The following CDK6 variants were observed in gnomAD, a reference collection of about 807,000 sequenced individuals.
CDK6 encodes cyclin dependent kinase 6.
A neutral mutation model predicts 37.1 loss-of-function variants in CDK6; 6 were observed. That is an observed-to-expected ratio of 0.16 (90% CI 0.09 to 0.32). The LOEUF (loss-of-function observed/expected upper bound fraction) is 0.32. Ranked by LOEUF, CDK6 falls within the 10% of genes least tolerant of loss-of-function variation. CDK6 has a pLI of 1.00. For missense variants in CDK6, 224 were observed against 418.9 expected, an observed-to-expected ratio of 0.53 and a Z score of 4.06; for synonymous variants, 160 against 161.3, an observed-to-expected ratio of 0.99 and a Z score of 0.06.
Position 92,615,240 on chromosome 7 carries a change from G to A in CDK6, c.881C>T (p.Ala294Val), listed in dbSNP as rs757809574. ...GTCCTGGAAGTATGGGTGAGACAGG[G>A]CACTGTAGGCAGATATTCTTTTGGC... ...NPAKRISAYS[A>V]LSHPYFQDLE... The change falls in exon 8 of 8, where the codon GCC becomes GTC. Residue 294 changes from alanine (A) to valine (V), a missense_variant. By Grantham distance (64) the Ala-to-Val change is moderately conservative. This residue lies in a region of CDK6 where 90 missense variants were observed against 136.2 expected (regional missense o/e 0.66). Coordinates refer to ENST00000424848, the MANE Select transcript of CDK6 (RefSeq NM_001145306.2). 1 of 1,614,014 alleles carries A rather than the reference G, an allele frequency of 6.2e-7. No homozygotes were observed. Among genetic ancestry groups the A allele is most frequent in the Non-Finnish European group, 8.5e-7 (1 of 1,179,932 alleles).
chr7:92,642,038 C>G (rs879933459), intron 5 of CDK6, among the ~76,000 whole-genome samples: 1 of 152,050 alleles, frequency 6.6e-6, no homozygotes, highest in Non-Finnish European at 1.5e-5. Flanking sequence ...GTTTGGAGTT[C>G]CCCTGTGAGC....
chr7:92,646,755 C>A (rs1187212302), intron 5 of CDK6, among the ~76,000 whole-genome samples: 1 of 152,002 alleles, frequency 6.6e-6, no homozygotes, highest in Non-Finnish European at 1.5e-5. Flanking sequence ...AGAAGAATCC[C>A]ATGGGATTCT....
intron 4 of CDK6, among the ~76,000 whole-genome samples, chr7:92,685,926 G>T (rs1466636346): frequency 1.3e-5 from 2 of 152,106 alleles, no homozygotes; most frequent in Non-Finnish European, 1.5e-5. Flanking sequence ...TTTTGTTTCT[G>T]CTTTCTTCTG....
intron 3 of CDK6, among the ~76,000 whole-genome samples, chr7:92,755,161 A>C (rs565724250): frequency 3.9e-5 from 6 of 152,038 alleles, no homozygotes; most frequent in Non-Finnish European, 8.8e-5. Context: ...GAAGGGTTAA[A>C]ATATGGCAGA....
At chr7:92,752,675 T>C in intron 3 of CDK6, among the ~76,000 whole-genome samples, 1 of 152,330 alleles carries the variant, frequency 6.6e-6, no homozygotes, top group African/African-American at 2.4e-5. Context: ...AGAATTTTTA[T>C]GGAATTACAT....
At chr7:92,801,165 A>T (rs1042936056) in intron 2 of CDK6, among the ~76,000 whole-genome samples, 1 of 152,020 alleles carries the variant, frequency 6.6e-6, no homozygotes, top group Non-Finnish European at 1.5e-5. Flanking sequence ...AAAAGAAAAT[A>T]GATAAAAATT....
chr7:92,771,118 C>G (rs1233811431), intron 3 of CDK6, among the ~76,000 whole-genome samples: 1 of 151,600 alleles, frequency 6.6e-6, no homozygotes, highest in Non-Finnish European at 1.5e-5. Flanking sequence ...TGCCTGTAAT[C>G]CCAGCTACTC....
chr7:92,643,174 A>G (rs1159571695), intron 5 of CDK6, among the ~76,000 whole-genome samples: 1 of 152,210 alleles, frequency 6.6e-6, no homozygotes, highest in Non-Finnish European at 1.5e-5. Context: ...GGCTTGAGCC[A>G]CCACGCCCGG....
chr7:92,717,000 C>T (rs1798243194), intron 4 of CDK6, among the ~76,000 whole-genome samples: 1 of 152,078 alleles, frequency 6.6e-6, no homozygotes. Flanking sequence ...GTCTTTATAT[C>T]CAGTTTGGCC....
rs71107866 is a variant in CDK6 at position 92,672,190 on chromosome 7, TACACACACACACACACAC to T, written c.538-673_538-656del. On this transcript the variant is annotated intron_variant, in intron 4 of 7. Coordinates refer to ENST00000424848, the MANE Select transcript of CDK6 (RefSeq NM_001145306.2). The stretch of plus-strand genomic sequence containing the variant: ...ATACACACACACACACACAGACACA[TACACACACACACACACAC>T]ACACACACACACACACACACACACA... 5.3e-4 allele frequency among the ~76,000 whole-genome samples: 33 copies of T among 62,778 alleles called. 1 individual carries two copies. The highest frequency in any genetic ancestry group is 1.4e-3 in the African/African-American group (14 of 9,838). 41.2% of individuals were successfully genotyped at this position (62,778 alleles called of 152,430 possible).
chr7:92,798,795 C>T (rs969860182), intron 2 of CDK6, among the ~76,000 whole-genome samples: 1 of 152,070 alleles, frequency 6.6e-6, no homozygotes, highest in African/African-American at 2.4e-5. Flanking sequence ...ACTTCCTCAG[C>T]CTTTACTTAG....
chr7:92,795,375 C>T lies in CDK6; in HGVS notation c.234-20544G>A, dbSNP rs3731286. ...GATCCACAGCCTTCAAAGCAATTTA[C>T]ATTCAGTATACATTTGAGTTCATTT... On this transcript the variant is annotated intron_variant, in intron 2 of 7. Coordinates refer to ENST00000424848, the MANE Select transcript of CDK6 (RefSeq NM_001145306.2). Among the ~76,000 whole-genome samples the T allele has an allele frequency of 8.5e-3, 1,287 of 152,236 alleles. 14 individuals carry two copies. The highest frequency in any genetic ancestry group is 9.4e-3 in the Admixed American group (144 of 15,278).
intron 5 of CDK6, among the ~76,000 whole-genome samples, chr7:92,635,476 C>T (rs1459981342): frequency 2.0e-5 from 3 of 152,190 alleles, no homozygotes; most frequent in Non-Finnish European, 2.9e-5. Flanking sequence ...TTCTGTCGTA[C>T]TCCATATCAT....
chr7:92,707,958 T>TA (rs995983017), intron 4 of CDK6, among the ~76,000 whole-genome samples: 3 of 152,166 alleles, frequency 2.0e-5, no homozygotes, highest in African/African-American at 7.2e-5. Flanking sequence ...TTTAGTTGTT[T>TA]AAAAAATCCT....
At chr7:92,803,052 T>C (rs1219854047) in intron 2 of CDK6, among the ~76,000 whole-genome samples, 1 of 152,234 alleles carries the variant, frequency 6.6e-6, no homozygotes, top group Non-Finnish European at 1.5e-5. Flanking sequence ...AATATTAAGA[T>C]GACTGGCAGT....
intron 5 of CDK6, among the ~76,000 whole-genome samples, chr7:92,669,080 C>T (rs972754994): frequency 5.9e-5 from 9 of 152,216 alleles, no homozygotes; most frequent in Non-Finnish European, 1.3e-4. Flanking sequence ...AAGGAACCCT[C>T]CCCTGAGCCT....
At chr7:92,695,828 C>T (rs1375615196) in intron 4 of CDK6, among the ~76,000 whole-genome samples, 4 of 152,200 alleles carry the variant, frequency 2.6e-5, no homozygotes, top group South Asian at 2.1e-4. Flanking sequence ...CAGTGACCTT[C>T]GCCTCTGTTT....
intron 2 of CDK6, among the ~76,000 whole-genome samples, chr7:92,805,538 C>A (rs953016625): frequency 6.6e-6 from 1 of 152,026 alleles, no homozygotes; most frequent in African/African-American, 2.4e-5. Flanking sequence ...TCAGTGTAAT[C>A]ATGATGTGCT....
intron 5 of CDK6, among the ~76,000 whole-genome samples, chr7:92,663,128 G>C (rs1796874685): frequency 6.6e-6 from 1 of 152,130 alleles, no homozygotes; most frequent in Admixed American, 6.5e-5. Context: ...GTTAGTAAGA[G>C]GGAAGCAATG....
Sources: allele counts gnomAD v4.1 joint callset (sites outside exome capture counted in the v4.1 genomes callset), GRCh38; gene constraint gnomAD v4.1.1; regional missense constraint gnomAD v4.1.1; transcripts MANE v1.5; gene names NCBI Gene and HGNC (gene_info 2026-07-23, HGNC 2026-07-21).